The following KSR2 variants were observed in gnomAD, a reference collection of about 807,000 sequenced individuals.
KSR2 encodes the protein kinase suppressor of ras 2.
KSR2 carries 25 observed loss-of-function variants against 107.8 expected under a neutral mutation model. The ratio of observed to expected loss-of-function variants is 0.23; its 90% CI spans 0.17 to 0.32. The LOEUF is 0.32. KSR2 is among the 10% of genes least tolerant of loss of function. The pLI, the probability that KSR2 is intolerant of heterozygous loss-of-function variation, is 1.00. For synonymous variants in KSR2, 480 were observed against 507.0 expected (o/e 0.95, Z 0.71); for missense variants, 887 against 1,268.9 (o/e 0.70, Z 4.57).
chr12:117,888,599 G>A (rs11608329), intron 1 of KSR2, among the ~76,000 whole-genome samples: 33,352 of 152,090 alleles, frequency 0.22, 4,541 homozygotes, highest in Non-Finnish European at 0.31. Flanking sequence ...GAAGAAACCA[G>A]AACTTTCTCT....
At chr12:117,776,611 T>G (rs917936710) in intron 3 of KSR2, among the ~76,000 whole-genome samples, 1 of 152,152 alleles carries the variant, frequency 6.6e-6, no homozygotes, top group African/African-American at 2.4e-5. Flanking sequence ...CTGGGAGTCA[T>G]GGATATAAAC....
intron 4 of KSR2, among the ~76,000 whole-genome samples, chr12:117,732,013 A>G (rs1221600027): frequency 1.4e-5 from 2 of 143,382 alleles, no homozygotes; most frequent in East Asian, 4.1e-4. Context: ...TCTCCGAGAA[A>G]CACCCAAGAA....
chr12:117,614,482 T>C (rs1380118077), intron 5 of KSR2, among the ~76,000 whole-genome samples: 2 of 152,234 alleles, frequency 1.3e-5, no homozygotes, highest in Non-Finnish European at 2.9e-5. Flanking sequence ...TCTGAAACTT[T>C]CTGGACCATA....
At chr12:117,762,753 G>A (rs1464686366) in intron 3 of KSR2, among the ~76,000 whole-genome samples, 1 of 151,878 alleles carries the variant, frequency 6.6e-6, no homozygotes, top group Non-Finnish European at 1.5e-5. Context: ...TGTAATCCCA[G>A]CTACTCAGAA....
chr12:117,661,245 C>T (rs1884417832), intron 5 of KSR2, among the ~76,000 whole-genome samples: 1 of 150,128 alleles, frequency 6.7e-6, no homozygotes, highest in Admixed American at 6.8e-5. Context: ...CAATATGTGA[C>T]CTCAGATTCG....
rs76986268 is a variant in KSR2, at chr12:117,631,157, C to T, written c.1171+36317G>A. ...TACAAGAAAACTTTTTTAAATTAGCCAGGCATAGTGGCCTGTACCTGTAAT... is the reference window on the plus strand; with the variant it reads ...TACAAGAAAACTTTTTTAAATTAGCTAGGCATAGTGGCCTGTACCTGTAAT... On this transcript the variant is annotated intron_variant, in intron 5 of 19. Coordinates refer to ENST00000339824, the MANE Select transcript of KSR2 (RefSeq NM_173598.6). 1.3e-3 allele frequency among the ~76,000 whole-genome samples: 194 copies of T among 152,200 alleles called. 1 individual carries two copies. The highest frequency in any genetic ancestry group is 4.5e-3 in the African/African-American group (185 of 41,528).
Position 117,629,756 on chromosome 12 carries a change from T to C in KSR2, c.1171+37718A>G, listed in dbSNP as rs558803449. Reference sequence around the variant, plus strand: ...CTTGGAATTGTCTTAAAATGTCCTTTAATTGATAGTGAAGAATATAAGAAC... The same window carrying C: ...CTTGGAATTGTCTTAAAATGTCCTTCAATTGATAGTGAAGAATATAAGAAC... On this transcript the variant is annotated intron_variant, in intron 5 of 19. Transcript: ENST00000339824. Among the ~76,000 whole-genome samples the C allele has an allele frequency of 9.2e-5, 14 of 152,344 alleles. No individual in the cohort carries two copies. The South Asian group carries it at 2.5e-3, about 27-fold the overall frequency.
intron 5 of KSR2, among the ~76,000 whole-genome samples, chr12:117,645,440 A>G (rs1303607279): frequency 3.9e-5 from 6 of 152,168 alleles, no homozygotes; most frequent in African/African-American, 1.2e-4. Context: ...TTTGATAACA[A>G]TCCCCACTCC....
At chr12:117,572,324 T>C (rs948890089) in intron 7 of KSR2, among the ~76,000 whole-genome samples, 7 of 152,144 alleles carry the variant, frequency 4.6e-5, no homozygotes, top group East Asian at 3.9e-4. Flanking sequence ...AAATACGAAG[T>C]ATCTGGGATG....
chr12:117,930,699 T>C (rs909814973), intron 1 of KSR2, among the ~76,000 whole-genome samples: 3 of 152,194 alleles, frequency 2.0e-5, no homozygotes, highest in Non-Finnish European at 4.4e-5. Flanking sequence ...GTGGGTCACC[T>C]GAGGTCAGGA....
chr12:117,742,033 G>A (rs1888236834), intron 4 of KSR2, among the ~76,000 whole-genome samples: 1 of 152,188 alleles, frequency 6.6e-6, no homozygotes, highest in Admixed American at 6.5e-5. Flanking sequence ...CCAGTCATGG[G>A]TCAGATCGAC....
rs150350662 is a variant in KSR2 at position 117,548,672 on chromosome 12, A to C, written c.1518+6497T>G. 3.6e-3 allele frequency among the ~76,000 whole-genome samples: 543 copies of C among 152,192 alleles called. 2 individuals are homozygous for C. The highest frequency in any genetic ancestry group is 0.013 in the African/African-American group (520 of 41,512). On this transcript the variant is annotated intron_variant, in intron 9 of 19. Coordinates refer to ENST00000339824, the MANE Select transcript of KSR2 (RefSeq NM_173598.6). ...CCCCACATTTTTCAAGGGTCAACTG[A>C]ACTTAGTGGGAGGAATATGGAAAAG...
At chr12:117,491,796 C>T (rs183412764) in intron 14 of KSR2, among the ~76,000 whole-genome samples, 2 of 152,280 alleles carry the variant, frequency 1.3e-5, no homozygotes, top group Admixed American at 1.3e-4. Context: ...CCACCTGGAT[C>T]TGGAGGCTAT....
At chr12:117,671,868 C>T (rs148580775) in intron 4 of KSR2, among the ~76,000 whole-genome samples, 2 of 150,578 alleles carry the variant, frequency 1.3e-5, no homozygotes, top group African/African-American at 4.9e-5. Context: ...AGCCTCCTTG[C>T]AGATTTTCAG....
chr12:117,748,425 A>C (rs550529), intron 4 of KSR2, among the ~76,000 whole-genome samples: 1 of 152,030 alleles, frequency 6.6e-6, no homozygotes, highest in Non-Finnish European at 1.5e-5. Context: ...TTTCAAAACC[A>C]CTGAGAGTAA....
chr12:117,819,347 C>A (rs1891483672), intron 3 of KSR2, among the ~76,000 whole-genome samples: 1 of 152,218 alleles, frequency 6.6e-6, no homozygotes, highest in Admixed American at 6.5e-5. Context: ...ACTACGGCAT[C>A]TTCTAAGTGA....
At chr12:117,511,123 CA>C (rs1450621623) in intron 14 of KSR2, among the ~76,000 whole-genome samples, 2 of 152,204 alleles carry the variant, frequency 1.3e-5, no homozygotes, top group Non-Finnish European at 2.9e-5. Flanking sequence ...AGCAAATCTG[CA>C]CTAAAGTTCA....
rs753312227 is a variant in KSR2, at chr12:117,968,305, A to AAG, written c.-51_-50insCT. 200 of 1,111,884 alleles carry AAG rather than the reference A, an allele frequency of 1.8e-4. 3 individuals carry two copies. Among genetic ancestry groups the AAG allele is most frequent in the Middle Eastern group, 7.1e-4 (2 of 2,832 alleles). The allele number at this position is 1,111,884 out of a possible 1,614,324, so 68.9% of individuals were successfully genotyped here. A position where few individuals can be genotyped will look rare whatever the true frequency, so the allele number is the denominator to read the frequency against. On this transcript the variant is annotated 5_prime_UTR_variant, in exon 1 of 20. Transcript: ENST00000339824. Reference sequence around the variant, plus strand: ...CTCCTCCTCCTCCCAGAGAGAAAAAAGAGGGGGGGGAGTAGAGGTAGTCTA... The same window carrying AAG: ...CTCCTCCTCCTCCCAGAGAGAAAAAAAGGAGGGGGGGGAGTAGAGGTAGTCTA...
chr12:117,478,235 C>T (rs1025792677), intron 16 of KSR2, among the ~76,000 whole-genome samples: 12 of 152,136 alleles, frequency 7.9e-5, no homozygotes, highest in Admixed American at 3.9e-4. Flanking sequence ...CTCCCTCAAA[C>T]GCACTCATTC....
Sources: gnomAD v4.1 joint callset for allele counts (sites outside exome capture counted in the v4.1 genomes callset) on GRCh38, gnomAD v4.1.1 for gene constraint, MANE v1.5 for transcripts, NCBI Gene and HGNC (gene_info 2026-07-23, HGNC 2026-07-21) for gene names.